EVL: variants seen among roughly 807,000 people sequenced by gnomAD.
The protein encoded by EVL is ena/VASP-like protein.
Under a neutral mutation model 59.6 loss-of-function variants are expected in EVL, and 21 were observed. That is an observed-to-expected ratio of 0.35 (90% CI 0.25 to 0.51). The LOEUF (loss-of-function observed/expected upper bound fraction) is 0.51, where lower values mean the gene tolerates loss of function less well. EVL is among the 20% of genes least tolerant of loss of function. The pLI is 0.97. For synonymous variants in EVL, 198 were observed against 203.5 expected (o/e 0.97, Z 0.23); for missense variants, 462 against 546.6 (o/e 0.85, Z 1.54).
chr14:100,119,999 C>T (rs910269585), intron 3 of EVL, among the ~76,000 whole-genome samples: 3 of 152,174 alleles, frequency 2.0e-5, no homozygotes, highest in Non-Finnish European at 1.5e-5. Flanking sequence ...GTGTGCAGAG[C>T]CACAGGGTCC....
At chr14:99,999,909 T>C (rs777249151) in intron 1 of EVL, among the ~76,000 whole-genome samples, 83 of 152,344 alleles carry the variant, frequency 5.4e-4, no homozygotes, top group Non-Finnish European at 7.6e-4. Context: ...TTCTCTTTAG[T>C]TTTTGCCTAG....
intron 1 of EVL, among the ~76,000 whole-genome samples, chr14:99,989,168 C>A (rs796855125): frequency 2.2e-4 from 34 of 152,116 alleles, no homozygotes; most frequent in African/African-American, 7.9e-4. Context: ...TTTTCAGAAC[C>A]TTTATTCCCA....
chr14:100,052,105 G>A (rs892977122), intron 1 of EVL, among the ~76,000 whole-genome samples: 4 of 152,198 alleles, frequency 2.6e-5, no homozygotes, highest in Admixed American at 2.6e-4. Flanking sequence ...AACTCATGGT[G>A]CATCCCCATG....
At chr14:100,061,319 G>A (rs144928242), upstream of EVL, among the ~76,000 whole-genome samples, 78 of 148,146 alleles carry the variant, frequency 5.3e-4, no homozygotes, top group Non-Finnish European at 8.0e-4. Context: ...GAAGGCTGAG[G>A]CAGGAGGATC....
rs1566702748 is a variant in EVL, at chr14:100,109,417, GGACCCTGGGTTTGTTTGTCTA to G, written c.358+11763_358+11783del. 6 of 368,466 alleles carry G rather than the reference GGACCCTGGGTTTGTTTGTCTA, an allele frequency of 1.6e-5. No individual in the cohort carries two copies. The highest frequency in any genetic ancestry group is 1.2e-4 in the South Asian group (6 of 49,650). The allele number at this position is 368,466 out of a possible 1,614,324, so 22.8% of individuals were successfully genotyped here. A position where few individuals can be genotyped will look rare whatever the true frequency, so the allele number is the denominator to read the frequency against. Reference sequence around the variant, plus strand: ...CACACTGTTGGTGTCCCATTTGTTTGGACCCTGGGTTTGTTTGTCTAGACTGTGAGCTCCTCGAGGGCAGGT... The same window carrying G: ...CACACTGTTGGTGTCCCATTTGTTTGGACTGTGAGCTCCTCGAGGGCAGGT... On this transcript the variant is annotated intron_variant, in intron 3 of 13. Coordinates refer to ENST00000392920, the MANE Select transcript of EVL (RefSeq NM_016337.3). The surrounding 1 kb of genome is among the most constrained non-coding windows in gnomAD (Gnocchi z 4.3).
rs867860340 is a variant in EVL, at chr14:100,073,272, A to G, written c.11+7761A>G. Among the ~76,000 whole-genome samples, 31 of 150,800 alleles carry G rather than the reference A, an allele frequency of 2.1e-4. No individual in the cohort carries two copies. In the Middle Eastern group the frequency reaches 0.014, roughly 69 times the overall value. Reference sequence around the variant, plus strand: ...CCTTGGGTCCCCTGGGCAGAACTAAATGCCCTCCTCTTGTGACACTTTGCA... The same window carrying G: ...CCTTGGGTCCCCTGGGCAGAACTAAGTGCCCTCCTCTTGTGACACTTTGCA... On this transcript the variant is annotated intron_variant, in intron 1 of 13. Transcript: ENST00000392920.
chr14:100,072,826 G>A lies in EVL; in HGVS notation c.11+7315G>A, dbSNP rs554795894. Among the ~76,000 whole-genome samples, 27 of 152,310 alleles carry A rather than the reference G, an allele frequency of 1.8e-4. 1 individual carries two copies. In the South Asian group the frequency reaches 5.6e-3, roughly 32 times the overall value. ...AGTTGGAGTGAAAAACAGCTTCAAA[G>A]CAGGAAGTAAAAGTTGGAGCTGGGT... On this transcript the variant is annotated intron_variant, in intron 1 of 13. Coordinates refer to ENST00000392920, the MANE Select transcript of EVL (RefSeq NM_016337.3).
intron 4 of EVL, among the ~76,000 whole-genome samples, chr14:100,125,222 A>C (rs1242949383): frequency 1.4e-5 from 2 of 147,610 alleles, no homozygotes; most frequent in Non-Finnish European, 3.0e-5. Context: ...TCACACACAC[A>C]GACACACACA....
rs1555411921 is a variant in EVL, at chr14:100,006,017, C to CCCG, written c.5+33962_5+33963insGCC. Among the ~76,000 whole-genome samples the CCCG allele has an allele frequency of 7.0e-4, 105 of 149,640 alleles. No individual in the cohort carries two copies. The East Asian group carries it at 0.019, about 27-fold the overall frequency. On this transcript the variant is annotated intron_variant, in intron 1 of 13. Transcript: ENST00000402714. ...CCCTTTTGCTGGCCATTTCCCCCCC[C>CCCG]CCCCCCACACCGACAACACTTTTGT...
At position 100,113,614 on chromosome 14, in the gene EVL, C is replaced by A. The variant is rs139774187; in HGVS notation, c.359-9925C>A. 4.2e-4 allele frequency among the ~76,000 whole-genome samples: 64 copies of A among 152,190 alleles called. 3 individuals carry two copies. Among genetic ancestry groups the A allele is most frequent in the African/African-American group, 1.5e-3 (63 of 41,490 alleles). ...ATCAAGGAAGGAATGAGGTGCCAAG[C>A]TTCAGATGCCCCCACAAGGCAGCAA... On this transcript the variant is annotated intron_variant, in intron 3 of 13. Transcript: ENST00000392920.
intron 1 of EVL, among the ~76,000 whole-genome samples, chr14:100,080,509 A>C (rs1379745058): frequency 2.6e-5 from 4 of 152,230 alleles, no homozygotes; most frequent in Non-Finnish European, 4.4e-5. Flanking sequence ...ACTGAGGCCT[A>C]GAGTCACATG....
Position 99,994,112 on chromosome 14 carries a change from C to CTTTTTTTT in EVL, c.5+22074_5+22081dup, listed in dbSNP as rs751533422. On this transcript the variant is annotated intron_variant, in intron 1 of 13. Transcript: ENST00000402714. Reference sequence around the variant, plus strand: ...TGAGCCACTACACCCAGCCTTTTGGCTTTTTTTTTTTTTTTTTTTTTTTTT... The same window carrying CTTTTTTTT: ...TGAGCCACTACACCCAGCCTTTTGGCTTTTTTTTTTTTTTTTTTTTTTTTTTTTTTTTT... Among the ~76,000 whole-genome samples, 129 of 55,170 alleles carry CTTTTTTTT rather than the reference C, an allele frequency of 2.3e-3. 4 individuals carry two copies. Among genetic ancestry groups the CTTTTTTTT allele is most frequent in the East Asian group, 3.3e-3 (5 of 1,526 alleles). The allele number at this position is 55,170 out of a possible 152,430, so 36.2% of individuals were successfully genotyped here.
chr14:99,998,483 A>AT (rs574651257), intron 1 of EVL, among the ~76,000 whole-genome samples: 160 of 152,282 alleles, frequency 1.1e-3, no homozygotes, highest in Non-Finnish European at 1.9e-3. Context: ...TGTTATCTGT[A>AT]TGCTGGGAGG....
intron 3 of EVL, chr14:100,106,946 G>A (rs990620557): frequency 1.3e-5 from 5 of 398,550 alleles, no homozygotes; most frequent in South Asian, 1.3e-4. Context: ...CCAGTGCCTG[G>A]AAGTGTGGTG....
chr14:100,106,847 G>A, intron 3 of EVL: 1 of 398,654 alleles, frequency 2.5e-6, no homozygotes, highest in Non-Finnish European at 4.4e-6. Context: ...GAGCCCCAGA[G>A]GGAGGAAGTT....
intron 1 of EVL, among the ~76,000 whole-genome samples, chr14:100,052,012 A>G (rs1330919342): frequency 1.3e-5 from 2 of 152,216 alleles, no homozygotes; most frequent in African/African-American, 2.4e-5. Context: ...CGTTGGCCCT[A>G]AAGGAGAGTC....
At chr14:100,126,597 G>T in intron 4 of EVL, 110 bp from the exon 5 acceptor site, 1 of 1,134,056 alleles carries the variant, frequency 8.8e-7, no homozygotes, top group East Asian at 2.4e-5. Flanking sequence ...CTTGTGGAGC[G>T]CTGGCGAAAC....
chr14:100,143,831 C>T lies in EVL; in HGVS notation c.*93C>T. 1 of 1,479,376 alleles carries T rather than the reference C, an allele frequency of 6.8e-7. No homozygotes were observed. Among genetic ancestry groups the T allele is most frequent in the Non-Finnish European group, 9.3e-7 (1 of 1,080,548 alleles). The allele number at this position is 1,479,376 out of a possible 1,614,324, so 91.6% of individuals were successfully genotyped here. A position where few individuals can be genotyped will look rare whatever the true frequency, so the allele number is the denominator to read the frequency against. ...AGCCCCAGACTCCAGTGCACCAGAGCACGCACAGGAGCCTGGGCGCGCTGC... is the reference window on the plus strand; with the variant it reads ...AGCCCCAGACTCCAGTGCACCAGAGTACGCACAGGAGCCTGGGCGCGCTGC... On this transcript the variant is annotated 3_prime_UTR_variant, in exon 14 of 14. Transcript: ENST00000392920.
At chr14:100,095,501 A>G (rs1885746363) in intron 2 of EVL, among the ~76,000 whole-genome samples, 1 of 152,150 alleles carries the variant, frequency 6.6e-6, no homozygotes, top group South Asian at 2.1e-4. Flanking sequence ...GTTACTAGTT[A>G]TTATTTGCTA....
Sources: allele counts gnomAD v4.1 joint callset (sites outside exome capture counted in the v4.1 genomes callset), GRCh38; gene constraint gnomAD v4.1.1; non-coding constraint Gnocchi (gnomAD v3.1); transcripts MANE v1.5; gene names NCBI Gene and HGNC (gene_info 2026-07-23, HGNC 2026-07-21).